Variants in CACNA1C observed in about 807,000 individuals in gnomAD.
CACNA1C encodes the protein voltage-dependent L-type calcium channel subunit alpha-1C.
Under a neutral mutation model 229.0 loss-of-function variants are expected in CACNA1C, and 30 were observed. The observed-to-expected ratio is 0.13, with a 90% confidence interval of 0.10 to 0.18. The LOEUF (loss-of-function observed/expected upper bound fraction) is 0.18, where lower values mean the gene tolerates loss of function less well. Among genes scored for constraint, CACNA1C ranks in the 10% least tolerant of loss-of-function variants. CACNA1C has a pLI of 1.00. For missense variants in CACNA1C, 1,658 were observed against 2,845.0 expected, an observed-to-expected ratio of 0.58 and a Z score of 9.49; for synonymous variants, 1,114 against 1,132.5, an observed-to-expected ratio of 0.98 and a Z score of 0.33.
intron 3 of CACNA1C, among the ~76,000 whole-genome samples, chr12:2,149,358 T>C (rs1057480866): frequency 3.3e-5 from 5 of 152,144 alleles, no homozygotes; most frequent in African/African-American, 4.8e-5. Context: ...TGGTGAAATA[T>C]CATAGGAAAT....
At chr12:2,606,460 G>A (rs1479861040) in intron 24 of CACNA1C, 151 bp from the exon 25 acceptor site, 5 of 673,060 alleles carry the variant, frequency 7.4e-6, no homozygotes, top group African/African-American at 3.5e-5. Context: ...ACCGTTCTGT[G>A]CGTGTGAGTC....
chr12:2,393,125 G>C (rs1444854608), intron 3 of CACNA1C, among the ~76,000 whole-genome samples: 1 of 152,182 alleles, frequency 6.6e-6, no homozygotes, highest in Non-Finnish European at 1.5e-5. Flanking sequence ...CTGCCTCGTA[G>C]CTGGAAGCTA....
chr12:2,645,096 A>C (rs2094192542), intron 30 of CACNA1C, among the ~76,000 whole-genome samples: 1 of 152,256 alleles, frequency 6.6e-6, no homozygotes, highest in South Asian at 2.1e-4. Context: ...GATCATTAGA[A>C]AACAAGGATG....
chr12:2,558,768 G>C (rs1403613113), intron 11 of CACNA1C, among the ~76,000 whole-genome samples: 1 of 152,186 alleles, frequency 6.6e-6, no homozygotes, highest in Non-Finnish European at 1.5e-5. Flanking sequence ...CCTGGTGTCT[G>C]ACTTTTGCTC....
chr12:2,429,638 C>T (rs944148751), intron 3 of CACNA1C, among the ~76,000 whole-genome samples: 40 of 152,216 alleles, frequency 2.6e-4, no homozygotes, highest in African/African-American at 9.6e-4. Flanking sequence ...GCAGTATGCA[C>T]ATGGTGGATG....
At chr12:2,571,269 T>G (rs1221227634) in intron 13 of CACNA1C, among the ~76,000 whole-genome samples, 1 of 152,214 alleles carries the variant, frequency 6.6e-6, no homozygotes, top group African/African-American at 2.4e-5. Context: ...ACCACTGCCA[T>G]GCACTGCAGA....
intron 3 of CACNA1C, among the ~76,000 whole-genome samples, chr12:2,369,184 A>G (rs567811045): frequency 5.3e-5 from 8 of 152,324 alleles, no homozygotes; most frequent in African/African-American, 1.4e-4. Flanking sequence ...AGAAAACAAA[A>G]TCTGTTTTCC....
chr12:2,477,706 C>T (rs982455657), intron 5 of CACNA1C, among the ~76,000 whole-genome samples: 2 of 152,158 alleles, frequency 1.3e-5, no homozygotes, highest in African/African-American at 2.4e-5. Flanking sequence ...ATTGTCACAG[C>T]CTCTCCGAGT....
chr12:1,986,228 T>C (rs12302074), intron 1 of CACNA1C, among the ~76,000 whole-genome samples: 2,131 of 152,328 alleles, frequency 0.014, 49 homozygotes, highest in African/African-American at 0.049. Context: ...TCCTGGGTTC[T>C]GTTACATGTA....
intron 3 of CACNA1C, among the ~76,000 whole-genome samples, chr12:2,296,530 C>T (rs1457199646): frequency 6.6e-6 from 1 of 152,182 alleles, no homozygotes; most frequent in Non-Finnish European, 1.5e-5. Flanking sequence ...GCTTCTAAGG[C>T]CAACCCAAAC....
chr12:2,642,798 T>G, intron 30 of CACNA1C, among the ~76,000 whole-genome samples: 1 of 152,308 alleles, frequency 6.6e-6, no homozygotes, highest in African/African-American at 2.4e-5. Context: ...GGTTGGTTGG[T>G]TTGTTTGAAT....
chr12:2,118,973 T>C (rs1014433340), intron 2 of CACNA1C, among the ~76,000 whole-genome samples: 4 of 152,174 alleles, frequency 2.6e-5, no homozygotes, highest in African/African-American at 9.7e-5. Flanking sequence ...GGGAGACTAG[T>C]GCTAAGATAA....
chr12:2,518,115 A>T (rs1336205528), intron 9 of CACNA1C, among the ~76,000 whole-genome samples: 1 of 152,204 alleles, frequency 6.6e-6, no homozygotes, highest in Non-Finnish European at 1.5e-5. Flanking sequence ...AGTCATCACC[A>T]GCTAGCAGAG....
chr12:2,281,343 C>G (rs1303178126), intron 3 of CACNA1C, among the ~76,000 whole-genome samples: 1 of 152,164 alleles, frequency 6.6e-6, no homozygotes, highest in Non-Finnish European at 1.5e-5. Context: ...ATCATATATA[C>G]TTAACCATGT....
At chr12:2,098,519 G>T (rs186717697) in intron 1 of CACNA1C, among the ~76,000 whole-genome samples, 6 of 152,164 alleles carry the variant, frequency 3.9e-5, no homozygotes, top group Non-Finnish European at 7.4e-5. Context: ...CATACAGTGC[G>T]ATCCCCTGAC....
At chr12:2,139,799 A>G (rs1280526785) in intron 3 of CACNA1C, among the ~76,000 whole-genome samples, 1 of 151,058 alleles carries the variant, frequency 6.6e-6, no homozygotes, top group East Asian at 1.9e-4. Context: ...CGCCCTAAAG[A>G]TGGGAGCATG....
chr12:2,104,123 G>A (rs1040392891), intron 1 of CACNA1C, among the ~76,000 whole-genome samples: 2 of 152,148 alleles, frequency 1.3e-5, no homozygotes, highest in South Asian at 2.1e-4. Context: ...GAAAGTCAAC[G>A]GTAGCTTGAT....
At chr12:2,538,031 G>T (rs570805931) in intron 9 of CACNA1C, among the ~76,000 whole-genome samples, 1 of 151,920 alleles carries the variant, frequency 6.6e-6, no homozygotes, top group South Asian at 2.1e-4. Context: ...GATAGACTCC[G>T]TGGTGCCCTA....
intron 3 of CACNA1C, among the ~76,000 whole-genome samples, chr12:2,302,345 C>T (rs1006420910): frequency 4.6e-5 from 7 of 151,838 alleles, no homozygotes; most frequent in African/African-American, 1.7e-4. Context: ...CTGCCACCCC[C>T]GCCGCCTCTG....
Sources: gnomAD v4.1 joint callset for allele counts (sites outside exome capture counted in the v4.1 genomes callset) on GRCh38, gnomAD v4.1.1 for gene constraint, MANE v1.5 for transcripts, NCBI Gene and HGNC (gene_info 2026-07-23, HGNC 2026-07-21) for gene names.